The following PDZRN4 variants were observed in gnomAD, a reference collection of about 807,000 sequenced individuals.
PDZRN4 encodes PDZ domain-containing RING finger protein 4.
In PDZRN4, 70 loss-of-function variants were observed where a neutral mutation model predicts 99.0. The observed-to-expected ratio is 0.71, with a 90% CI of 0.58 to 0.86. PDZRN4 has a LOEUF of 0.86. PDZRN4 is among the 40% of genes least tolerant of loss of function. PDZRN4 has a pLI of 0.00. For synonymous variants in PDZRN4, 551 were observed against 501.6 expected (o/e 1.10, Z -1.32); for missense variants, 1,474 against 1,331.2 (o/e 1.11, Z -1.67).
chr12:41,446,946 CA>C (rs1246061808), intron 3 of PDZRN4, among the ~76,000 whole-genome samples: 1 of 150,192 alleles, frequency 6.7e-6, no homozygotes, highest in Non-Finnish European at 1.5e-5. Flanking sequence ...AAAGCCAAAT[CA>C]CAGAAAGATG....
chr12:41,258,697 G>C (rs989022103), intron 3 of PDZRN4, among the ~76,000 whole-genome samples: 1 of 152,112 alleles, frequency 6.6e-6, no homozygotes, highest in Non-Finnish European at 1.5e-5. Flanking sequence ...TCTAGTGCTA[G>C]GGATGTAGTG....
intron 3 of PDZRN4, among the ~76,000 whole-genome samples, chr12:41,492,551 T>G (rs192398133): frequency 2.6e-5 from 4 of 152,012 alleles, no homozygotes; most frequent in Admixed American, 2.0e-4. Flanking sequence ...GTTGTAAGAG[T>G]TGAAAAGCTC....
chr12:41,469,803 A>T (rs374688937), intron 3 of PDZRN4, among the ~76,000 whole-genome samples: 1 of 151,990 alleles, frequency 6.6e-6, no homozygotes, highest in Non-Finnish European at 1.5e-5. Flanking sequence ...GGTGGCGGGC[A>T]CCTGTAGTCC....
intron 3 of PDZRN4, among the ~76,000 whole-genome samples, chr12:41,290,652 A>T (rs1951451605): frequency 6.6e-6 from 1 of 152,148 alleles, no homozygotes; most frequent in Non-Finnish European, 1.5e-5. Flanking sequence ...GAGCTTTCAT[A>T]GAATAATAAT....
chr12:41,195,592 G>A (rs1236960765), intron 3 of PDZRN4, among the ~76,000 whole-genome samples: 2 of 151,762 alleles, frequency 1.3e-5, no homozygotes, highest in African/African-American at 2.4e-5. Flanking sequence ...AAAAAGAAGA[G>A]TTATCTTTTG....
chr12:41,358,577 G>A lies in PDZRN4; in HGVS notation c.844-147879G>A, dbSNP rs150737073. ...CCAGCTAGTAAGTCACAGAGTCGGG[G>A]AAGAATTTGAGTCTGTCTGATTTCA... On this transcript the variant is annotated intron_variant, in intron 3 of 9. Transcript: ENST00000402685. Among the ~76,000 whole-genome samples, 499 of 152,080 alleles carry A rather than the reference G, an allele frequency of 3.3e-3. 3 individuals are homozygous for A. The highest frequency in any genetic ancestry group is 4.9e-3 in the Non-Finnish European group (332 of 67,948).
chr12:41,444,587 A>C (rs970269861), intron 3 of PDZRN4, among the ~76,000 whole-genome samples: 27 of 152,166 alleles, frequency 1.8e-4, no homozygotes, highest in Admixed American at 1.6e-3. Flanking sequence ...TGGAAAAATA[A>C]TCCAAAAAGT....
At chr12:41,247,478 T>G (rs1360242960) in intron 3 of PDZRN4, among the ~76,000 whole-genome samples, 1 of 152,214 alleles carries the variant, frequency 6.6e-6, no homozygotes, top group Admixed American at 6.5e-5. Context: ...GATTGATTGT[T>G]GATTTAACTT....
At chr12:41,395,313 T>C (rs571718993) in intron 3 of PDZRN4, among the ~76,000 whole-genome samples, 2 of 152,170 alleles carry the variant, frequency 1.3e-5, no homozygotes, top group African/African-American at 2.4e-5. Flanking sequence ...GTAATTGATA[T>C]AGACATTCCT....
chr12:41,529,163 A>G (rs559165404), intron 5 of PDZRN4, among the ~76,000 whole-genome samples: 5 of 152,240 alleles, frequency 3.3e-5, no homozygotes, highest in Admixed American at 3.3e-4. Context: ...GCTGAAAAGG[A>G]CTGAGCTTTC....
chr12:41,300,930 G>C (rs1164814330), intron 3 of PDZRN4, among the ~76,000 whole-genome samples: 1 of 151,988 alleles, frequency 6.6e-6, no homozygotes, highest in African/African-American at 2.4e-5. Flanking sequence ...CTGTGTTATG[G>C]CTTCTGTTTA....
chr12:41,255,640 TAAAG>T (rs1951200456), intron 3 of PDZRN4, among the ~76,000 whole-genome samples: 1 of 152,174 alleles, frequency 6.6e-6, no homozygotes, highest in African/African-American at 2.4e-5. Context: ...TGTGTTGCTA[TAAAG>T]AAATACCTCA....
chr12:41,331,474 T>C (rs1035000993), intron 3 of PDZRN4, among the ~76,000 whole-genome samples: 2 of 152,006 alleles, frequency 1.3e-5, no homozygotes, highest in African/African-American at 4.8e-5. Flanking sequence ...TCTAAGCACC[T>C]GTCAAGAGAT....
At chr12:41,294,584 G>C (rs936626645) in intron 3 of PDZRN4, among the ~76,000 whole-genome samples, 1 of 151,978 alleles carries the variant, frequency 6.6e-6, no homozygotes, top group Admixed American at 6.6e-5. Context: ...ATAACAAAGA[G>C]AGTACTTTGA....
At chr12:41,252,929 T>G (rs1191926967) in intron 3 of PDZRN4, among the ~76,000 whole-genome samples, 1 of 152,214 alleles carries the variant, frequency 6.6e-6, no homozygotes, top group Non-Finnish European at 1.5e-5. Context: ...TTAAAATGGG[T>G]ATATTTTATT....
intron 9 of PDZRN4, among the ~76,000 whole-genome samples, chr12:41,569,990 T>C (rs1236256363): frequency 6.6e-6 from 1 of 152,122 alleles, no homozygotes; most frequent in Admixed American, 6.6e-5. Flanking sequence ...GCTTTTTTTT[T>C]CTTAGATACA....
At chr12:41,319,719 T>C (rs530857040) in intron 3 of PDZRN4, among the ~76,000 whole-genome samples, 3 of 152,276 alleles carry the variant, frequency 2.0e-5, no homozygotes, top group Non-Finnish European at 2.9e-5. Context: ...TTTCAGATAA[T>C]GTAACTGAGG....
chr12:41,567,245 AAAAT>A (rs1366187559), intron 8 of PDZRN4, among the ~76,000 whole-genome samples: 1 of 152,216 alleles, frequency 6.6e-6, no homozygotes, highest in African/African-American at 2.4e-5. Flanking sequence ...CTTCACAGAC[AAAAT>A]AAATGTCTTC....
chr12:41,368,624 C>T (rs1284304278), intron 3 of PDZRN4, among the ~76,000 whole-genome samples: 6 of 152,142 alleles, frequency 3.9e-5, no homozygotes, highest in African/African-American at 1.4e-4. Context: ...TCCCCGTTTT[C>T]TCACCTCTAA....
Sources: allele counts gnomAD v4.1 joint callset (sites outside exome capture counted in the v4.1 genomes callset), GRCh38; gene constraint gnomAD v4.1.1; transcripts MANE v1.5; gene names NCBI Gene and HGNC (gene_info 2026-07-23, HGNC 2026-07-21).